GRIN2A: variants seen among roughly 807,000 people sequenced by gnomAD.
The protein encoded by GRIN2A is glutamate receptor ionotropic, NMDA 2A.
GRIN2A carries 22 observed loss-of-function variants against 113.4 expected under a neutral mutation model. The ratio of observed to expected loss-of-function variants is 0.19; its 90% CI spans 0.14 to 0.28. The LOEUF (loss-of-function observed/expected upper bound fraction) is 0.28, where lower values mean the gene tolerates loss of function less well. Ranked by LOEUF, GRIN2A falls within the 10% of genes least tolerant of loss-of-function variation. The probability of loss-of-function intolerance (pLI) is 1.00; values close to 1 mark genes in which losing one functional copy is unlikely to be tolerated. For synonymous variants in GRIN2A, 827 were observed against 738.4 expected (o/e 1.12, Z -1.94); for missense variants, 1,502 against 1,887.0 (o/e 0.80, Z 3.78).
intron 9 of GRIN2A, among the ~76,000 whole-genome samples, chr16:9,828,652 C>T (rs1457947047): frequency 6.6e-6 from 1 of 152,156 alleles, no homozygotes; most frequent in Non-Finnish European, 1.5e-5. Context: ...ACCCAGTTTA[C>T]CTCTTTTCTT....
At chr16:10,122,753 G>A (rs2048859128) in intron 2 of GRIN2A, among the ~76,000 whole-genome samples, 1 of 152,072 alleles carries the variant, frequency 6.6e-6, no homozygotes, top group Non-Finnish European at 1.5e-5. Flanking sequence ...CCAACCTGAG[G>A]GAAATTGACG....
intron 3 of GRIN2A, among the ~76,000 whole-genome samples, chr16:9,918,707 C>T (rs779711607): frequency 5.3e-5 from 8 of 151,988 alleles, no homozygotes; most frequent in Admixed American, 1.3e-4. Flanking sequence ...ACTTTGTTAA[C>T]ATTCAGCTTT....
At chr16:10,154,454 T>A (rs2049647673) in intron 2 of GRIN2A, among the ~76,000 whole-genome samples, 1 of 152,172 alleles carries the variant, frequency 6.6e-6, no homozygotes. Flanking sequence ...ATTATATATT[T>A]ACCGTGTTTA....
At position 9,937,982 on chromosome 16, in the gene GRIN2A, C is replaced by T. The variant is rs2141629320; in HGVS notation, c.984G>A (p.Glu328=). The T allele has an allele frequency of 2.5e-6, 4 of 1,613,820 alleles. No individual in the cohort carries two copies. Among genetic ancestry groups the T allele is most frequent in the Non-Finnish European group, 2.5e-6 (3 of 1,179,800 alleles). Residue 328 remains glutamate, a synonymous_variant, in exon 3 of 13, where the codon GAG becomes GAA. Coordinates refer to ENST00000330684, the MANE Select transcript of GRIN2A (RefSeq NM_001134407.3). ...ASCYGQMERP[E]VPMHTLHPFM... is the part of the protein sequence containing the mutation. ...ACGGGTGCAAGGTGTGCATCGGGAC[C>T]TCTGGCCTCTCCATCTGCCCGTAGC...
intron 2 of GRIN2A, among the ~76,000 whole-genome samples, chr16:10,031,866 T>C (rs2046935713): frequency 2.0e-5 from 3 of 152,238 alleles, no homozygotes; most frequent in Admixed American, 2.0e-4. Flanking sequence ...GCAATTTTTT[T>C]CAGACCAGAC....
At chr16:9,951,730 T>C (rs894140426) in intron 2 of GRIN2A, among the ~76,000 whole-genome samples, 2 of 152,208 alleles carry the variant, frequency 1.3e-5, no homozygotes, top group Non-Finnish European at 2.9e-5. Context: ...AATGTCAGCC[T>C]CTGAAAAGTG....
intron 2 of GRIN2A, among the ~76,000 whole-genome samples, chr16:10,010,813 T>C (rs1368742334): frequency 6.6e-6 from 1 of 152,164 alleles, no homozygotes; most frequent in Non-Finnish European, 1.5e-5. Flanking sequence ...AGGGAGGCCA[T>C]GTATTTATAC....
intron 2 of GRIN2A, among the ~76,000 whole-genome samples, chr16:10,175,341 C>T (rs1868291): frequency 0.91 from 138,576 of 152,254 alleles, 63,080 homozygotes; most frequent in Admixed American, 0.93. Flanking sequence ...CTGAGATTTT[C>T]TCCAGAATTA....
intron 2 of GRIN2A, among the ~76,000 whole-genome samples, chr16:9,952,810 AAG>A (rs1335608749): frequency 2.0e-5 from 3 of 152,156 alleles, no homozygotes; most frequent in Admixed American, 6.5e-5. Context: ...TATTGAATGA[AAG>A]AGAGAAAGTC....
intron 2 of GRIN2A, among the ~76,000 whole-genome samples, chr16:9,953,446 G>C (rs560321771): frequency 1.1e-4 from 16 of 152,300 alleles, no homozygotes; most frequent in African/African-American, 3.8e-4. Flanking sequence ...GGGGGACAGA[G>C]AAATGCATAT....
At chr16:10,090,678 A>G (rs1031371889) in intron 2 of GRIN2A, among the ~76,000 whole-genome samples, 1 of 152,208 alleles carries the variant, frequency 6.6e-6, no homozygotes, top group Non-Finnish European at 1.5e-5. Context: ...ACATAAATGA[A>G]AAAATAGGCA....
At chr16:10,136,790 AACAT>A (rs2049200953) in intron 2 of GRIN2A, among the ~76,000 whole-genome samples, 1 of 152,174 alleles carries the variant, frequency 6.6e-6, no homozygotes, top group Admixed American at 6.5e-5. Context: ...CTAAGCACTT[AACAT>A]ACAATGTTTC....
At chr16:9,777,313 C>A (rs1447753150) in intron 11 of GRIN2A, among the ~76,000 whole-genome samples, 1 of 152,142 alleles carries the variant, frequency 6.6e-6, no homozygotes, top group Admixed American at 6.5e-5. Flanking sequence ...CCAAGTAACC[C>A]TGGGTTCAGA....
chr16:9,755,178 T>C lies in GRIN2A; in HGVS notation c.*7971A>G, dbSNP rs1900303275. ...GATAATCTCAGTTTTGTCTTCTTCG[T>C]TTCTGCAGACCGCTGACACTTTATC... On this transcript the variant is annotated 3_prime_UTR_variant, in exon 13 of 13. Coordinates refer to ENST00000330684, the MANE Select transcript of GRIN2A (RefSeq NM_001134407.3). The C allele has an allele frequency of 5.2e-6, 1 of 191,994 alleles. No individual in the cohort carries two copies. Among genetic ancestry groups the C allele is most frequent in the Non-Finnish European group, 1.1e-5 (1 of 91,762 alleles). The allele number at this position is 191,994 out of a possible 1,614,324, so 11.9% of individuals were successfully genotyped here.
chr16:9,899,301 G>A (rs915985372), intron 3 of GRIN2A, among the ~76,000 whole-genome samples: 2 of 151,830 alleles, frequency 1.3e-5, no homozygotes, highest in African/African-American at 2.4e-5. Context: ...TTAGCCAAGC[G>A]TAGTGGCAGG....
intron 11 of GRIN2A, among the ~76,000 whole-genome samples, chr16:9,772,624 G>A (rs1033649452): frequency 6.6e-6 from 1 of 152,028 alleles, no homozygotes; most frequent in Non-Finnish European, 1.5e-5. Context: ...AACCCACCTG[G>A]CTCAGCCTCC....
chr16:9,808,983 C>T (rs530060516), intron 10 of GRIN2A, among the ~76,000 whole-genome samples: 1 of 152,012 alleles, frequency 6.6e-6, no homozygotes, highest in South Asian at 2.1e-4. Flanking sequence ...GGAGTTCTTT[C>T]CAGCAGTCAA....
At chr16:9,770,754 C>G (rs1901221053) in intron 11 of GRIN2A, among the ~76,000 whole-genome samples, 2 of 152,196 alleles carry the variant, frequency 1.3e-5, no homozygotes, top group South Asian at 2.1e-4. Context: ...TTACTTCTCC[C>G]TATCATATCT....
At chr16:9,979,652 C>T (rs564631789) in intron 2 of GRIN2A, among the ~76,000 whole-genome samples, 1 of 152,054 alleles carries the variant, frequency 6.6e-6, no homozygotes, top group African/African-American at 2.4e-5. Context: ...AGAATCTGGA[C>T]ATGAAAAGAC....
Sources: allele counts gnomAD v4.1 joint callset (sites outside exome capture counted in the v4.1 genomes callset), GRCh38; gene constraint gnomAD v4.1.1; transcripts MANE v1.5; gene names NCBI Gene and HGNC (gene_info 2026-07-23, HGNC 2026-07-21).